Variants in C1orf146 observed in about 807,000 individuals in gnomAD.
The protein encoded by C1orf146 is chromosome 1 open reading frame 146, also known as protein SPO16 homolog.
A neutral mutation model predicts 23.0 loss-of-function variants in C1orf146; 22 were observed. The ratio of observed to expected loss-of-function variants is 0.96; its 90% CI spans 0.68 to 1.36. C1orf146 has a LOEUF of 1.36. Among genes scored for constraint, C1orf146 ranks in the 40% most tolerant of loss-of-function variants. C1orf146 has a pLI of 0.00. For synonymous variants in C1orf146, 59 were observed against 65.3 expected (o/e 0.90, Z 0.47); for missense variants, 199 against 206.8 (o/e 0.96, Z 0.23).
chr1:92,222,870 G>A lies in C1orf146; in HGVS notation c.-40+4822G>A, dbSNP rs546820462. Among the ~76,000 whole-genome samples the A allele has an allele frequency of 2.6e-5, 4 of 152,142 alleles. No individual in the cohort carries two copies. The East Asian group carries it at 7.7e-4, about 29-fold the overall frequency. The stretch of plus-strand genomic sequence containing the variant: ...CAAAGTGCTGGGATTACAGGTGTGA[G>A]CCACGGCGCCTGGCCTATCGTTTGT... On this transcript the variant is annotated intron_variant, in intron 1 of 5. Transcript: ENST00000370375.
In C1orf146 at chr1:92,242,279, A is replaced by C; in HGVS notation, c.134A>C (p.Asn45Thr). The change falls in exon 3 of 6, where the codon AAT becomes ACT. Residue 45 changes from asparagine to threonine, a missense_variant. Physicochemically the swap from Asn to Thr is moderately conservative, Grantham distance 65 (BLOSUM62 0). Transcript: ENST00000370375. ...HKVRYSDSVE[N>T]GSIIFSLSGV... ...GTTCGATATTCAGATTCAGTGGAAA[A>C]TGGATCAATTATATTTTCTCTTTCT... is the stretch of plus-strand genomic sequence containing the variant. The C allele has an allele frequency of 1.2e-5, 19 of 1,598,542 alleles. No homozygotes were observed. Among genetic ancestry groups the C allele is most frequent in the Non-Finnish European group, 1.6e-5 (19 of 1,170,396 alleles).
At chr1:92,232,338 C>T (rs1310204283) in intron 2 of C1orf146, among the ~76,000 whole-genome samples, 2 of 148,474 alleles carry the variant, frequency 1.3e-5, no homozygotes, top group African/African-American at 5.0e-5. Flanking sequence ...CAATTTCCAC[C>T]TATGAGTGAG....
At chr1:92,235,364 T>C (rs1464853454) in intron 2 of C1orf146, among the ~76,000 whole-genome samples, 1 of 152,196 alleles carries the variant, frequency 6.6e-6, no homozygotes, top group Non-Finnish European at 1.5e-5. Context: ...CATTTCATTA[T>C]GTACCCTGTA....
chr1:92,227,687 T>C (rs1454218917), intron 1 of C1orf146, among the ~76,000 whole-genome samples: 2 of 152,232 alleles, frequency 1.3e-5, no homozygotes, highest in Non-Finnish European at 2.9e-5. Context: ...TCAGCTATGA[T>C]ATCCTATGTT....
In C1orf146 at chr1:92,242,258, G is replaced by A. The variant is rs192356914; in HGVS notation, c.113G>A (p.Arg38Gln). ...TALENRSHKV[R>Q]YSDSVENGSI... The stretch of plus-strand genomic sequence containing the variant: ...CTAGAAAATCGAAGCCACAAAGTTC[G>A]ATATTCAGATTCAGTGGAAAATGGA... Residue 38 changes from arginine to glutamine, a missense_variant, in exon 3 of 6, where the codon CGA becomes CAA. Physicochemically the swap from Arg to Gln is conservative, Grantham distance 43. Coordinates refer to ENST00000370375, the MANE Select transcript of C1orf146 (RefSeq NM_001012425.2). 2.1e-5 allele frequency: 34 copies of A among 1,602,404 alleles called. No individual in the cohort carries two copies. In the East Asian group the frequency reaches 3.2e-4, roughly 15 times the overall value.
chr1:92,227,456 G>A (rs970622914), intron 1 of C1orf146, among the ~76,000 whole-genome samples: 11 of 152,140 alleles, frequency 7.2e-5, no homozygotes, highest in African/African-American at 2.2e-4. Context: ...GGAGAATGGC[G>A]TGAACCCGGG....
intron 1 of C1orf146, among the ~76,000 whole-genome samples, chr1:92,230,168 G>A (rs1037815669): frequency 2.0e-5 from 3 of 151,988 alleles, no homozygotes; most frequent in African/African-American, 7.3e-5. Context: ...GTACCTCTTA[G>A]AACTGCAGAT....
rs936046582 is a variant in C1orf146 at position 92,222,403 on chromosome 1, A to C, written c.-40+4355A>C. ...TATAACATGCATGTATAACATATGT[A>C]TGCTGTGATGTTTTGACACATTTAT... On this transcript the variant is annotated intron_variant, in intron 1 of 5. Transcript: ENST00000370375. Among the ~76,000 whole-genome samples the C allele has an allele frequency of 6.6e-5, 10 of 151,018 alleles. 1 individual carries two copies. The highest frequency in any genetic ancestry group is 4.4e-5 in the Non-Finnish European group (3 of 67,804).
intron 2 of C1orf146, among the ~76,000 whole-genome samples, chr1:92,240,225 T>C (rs1652397826): frequency 6.6e-6 from 1 of 152,250 alleles, no homozygotes; most frequent in African/African-American, 2.4e-5. Context: ...GTTCAGCCTC[T>C]CTTCTGCCTC....
chr1:92,245,252 A>T (rs1652568219), intron 5 of C1orf146, among the ~76,000 whole-genome samples: 1 of 152,158 alleles, frequency 6.6e-6, no homozygotes, highest in Non-Finnish European at 1.5e-5. Flanking sequence ...GTGTGCCCAG[A>T]CACCTCCAAC....
At chr1:92,229,308 G>A (rs1652050880) in intron 1 of C1orf146, 1 of 550,262 alleles carries the variant, frequency 1.8e-6, no homozygotes, top group Non-Finnish European at 3.7e-6. Context: ...GCAGTTGAAG[G>A]TGGTCTTGTG....
chr1:92,225,378 A>T (rs1174759767), intron 1 of C1orf146, among the ~76,000 whole-genome samples: 1 of 152,212 alleles, frequency 6.6e-6, no homozygotes, highest in African/African-American at 2.4e-5. Flanking sequence ...AAGTGTTGGG[A>T]TTACAGGCGT....
In C1orf146 at chr1:92,231,477, ATC is replaced by A; in HGVS notation, c.61_62del (p.Leu21Ter). 6.2e-7 allele frequency: 1 copy of A among 1,609,614 alleles called. No individual in the cohort carries two copies. The highest frequency in any genetic ancestry group is 8.5e-7 in the Non-Finnish European group (1 of 1,178,176). The stretch of plus-strand genomic sequence containing the variant: ...GGACAACCACCATTATTATTAGCTC[ATC>A]TCTTAAGGTAAAGGGGCATTTGGGC... ...KWTTTIIISS[S>X]LKSYEVATAL... On this transcript the variant is annotated frameshift_variant, in exon 2 of 6. Coordinates refer to ENST00000370375, the MANE Select transcript of C1orf146 (RefSeq NM_001012425.2). LOFTEE classifies it high-confidence loss of function.
intron 1 of C1orf146, among the ~76,000 whole-genome samples, chr1:92,228,459 A>G (rs1214099247): frequency 6.6e-6 from 1 of 152,106 alleles, no homozygotes; most frequent in Non-Finnish European, 1.5e-5. Flanking sequence ...TATAACACTA[A>G]TTTGTAACCT....
chr1:92,229,275 A>T, intron 1 of C1orf146: 1 of 555,406 alleles, frequency 1.8e-6, no homozygotes, highest in South Asian at 1.4e-5. Flanking sequence ...GTCTTTGAAG[A>T]TGTCCACATC....
At position 92,245,800 on chromosome 1, in the gene C1orf146, ATTTTAT is replaced by A. The variant is rs1424315909; in HGVS notation, c.*130_*135del. The A allele has an allele frequency of 1.6e-6, 1 of 624,268 alleles. No individual in the cohort carries two copies. The highest frequency in any genetic ancestry group is 2.5e-6 in the Non-Finnish European group (1 of 397,308). 38.7% of individuals were successfully genotyped at this position (624,268 alleles called of 1,614,324 possible). ...ATAATAACATATACAATTAAAAGTG[ATTTTAT>A]TTTAGGAGTTTCGCTGCAAGATTTA... is the stretch of plus-strand genomic sequence containing the variant. On this transcript the variant is annotated 3_prime_UTR_variant, in exon 6 of 6. Transcript: ENST00000370375.
At chr1:92,242,343 A>G (rs749730256) in intron 3 of C1orf146, 38 bp downstream of exon 3, 1 of 1,097,080 alleles carries the variant, frequency 9.1e-7, no homozygotes, top group Non-Finnish European at 1.4e-6. Flanking sequence ...GTTTCTTATG[A>G]AATATGTTGG....
Position 92,244,802 on chromosome 1 carries a change from T to C in C1orf146, c.353T>C (p.Ile118Thr). The C allele has an allele frequency of 6.2e-7, 1 of 1,608,140 alleles. No individual in the cohort carries two copies. The highest frequency in any genetic ancestry group is 1.7e-4 in the Middle Eastern group (1 of 6,038). Reference sequence around the variant, plus strand: ...AGATTCCTGGGTTGTAACTTACGAATACTTCCAGTACACAACACAGTAAAT... The same window carrying C: ...AGATTCCTGGGTTGTAACTTACGAACACTTCCAGTACACAACACAGTAAAT... ...QQRFLGCNLR[I>T]LPVHNTVNAI... Residue 118 changes from isoleucine to threonine, a missense_variant, in exon 5 of 6, where the codon ATA (isoleucine) becomes ACA (threonine). Ile to Thr is a moderately conservative substitution (Grantham distance 89). Coordinates refer to ENST00000370375, the MANE Select transcript of C1orf146 (RefSeq NM_001012425.2).
At chr1:92,238,541 T>C (rs1652351593) in intron 2 of C1orf146, among the ~76,000 whole-genome samples, 1 of 152,250 alleles carries the variant, frequency 6.6e-6, no homozygotes, top group Admixed American at 6.5e-5. Flanking sequence ...AGCTTCCTGG[T>C]CATTTTGATG....
Sources: gnomAD v4.1 joint callset for allele counts (sites outside exome capture counted in the v4.1 genomes callset) on GRCh38, gnomAD v4.1.1 for gene constraint, MANE v1.5 for transcripts, NCBI Gene and HGNC (gene_info 2026-07-23, HGNC 2026-07-21) for gene names.